Variants in TMEM132B observed in about 807,000 individuals in gnomAD.
TMEM132B encodes the protein transmembrane protein 132B.
A neutral mutation model predicts 90.8 loss-of-function variants in TMEM132B; 18 were observed. That is an observed-to-expected ratio of 0.20 (90% CI 0.14 to 0.29). The LOEUF (loss-of-function observed/expected upper bound fraction) is 0.29. Ranked by LOEUF, TMEM132B falls within the 10% of genes least tolerant of loss-of-function variation. The pLI is 1.00. For missense variants in TMEM132B, 1,096 were observed against 1,326.8 expected, an observed-to-expected ratio of 0.83 and a Z score of 2.70; for synonymous variants, 504 against 523.3, an observed-to-expected ratio of 0.96 and a Z score of 0.50.
intron 2 of TMEM132B, among the ~76,000 whole-genome samples, chr12:125,381,267 A>C (rs1878672153): frequency 6.6e-6 from 1 of 152,186 alleles, no homozygotes; most frequent in Non-Finnish European, 1.5e-5. Flanking sequence ...CAAGCTGTGC[A>C]TGTAGACACA....
intron 2 of TMEM132B, among the ~76,000 whole-genome samples, chr12:125,413,666 T>A (rs770507330): frequency 3.3e-5 from 5 of 152,256 alleles, no homozygotes; most frequent in Non-Finnish European, 5.9e-5. Flanking sequence ...GTAGCATGTG[T>A]CAGAACTTCA....
intron 2 of TMEM132B, among the ~76,000 whole-genome samples, chr12:125,411,519 TA>T (rs1269875884): frequency 6.6e-6 from 1 of 151,788 alleles, no homozygotes; most frequent in Non-Finnish European, 1.5e-5. Context: ...ATAATAATAA[TA>T]AAAACAAACA....
At chr12:125,594,789 T>A (rs1032276704) in intron 5 of TMEM132B, among the ~76,000 whole-genome samples, 2 of 152,204 alleles carry the variant, frequency 1.3e-5, no homozygotes, top group Non-Finnish European at 2.9e-5. Flanking sequence ...AATATGTGAT[T>A]TGAAAATACG....
chr12:125,243,062 TAC>T (rs1156873361), intron 1 of TMEM132B, among the ~76,000 whole-genome samples: 6 of 142,264 alleles, frequency 4.2e-5, no homozygotes, highest in East Asian at 2.0e-4. Context: ...CATACATATA[TAC>T]ACACACATAT....
chr12:125,245,688 G>A (rs1168521033), intron 1 of TMEM132B, among the ~76,000 whole-genome samples: 2 of 151,878 alleles, frequency 1.3e-5, no homozygotes, highest in Non-Finnish European at 2.9e-5. Flanking sequence ...AATGTCGGGG[G>A]ATGGGGGGGG....
rs144552795 is a variant in TMEM132B at position 125,580,517 on chromosome 12, C to T, written c.1294-3334C>T. On this transcript the variant is annotated intron_variant, in intron 4 of 8. Transcript: ENST00000682704. The stretch of plus-strand genomic sequence containing the variant: ...CCTGACCTGACCCCTCCAGTGGCTT[C>T]TAGACTGCTGGTTTTTACTGTCAAT... Among the ~76,000 whole-genome samples, 779 of 152,264 alleles carry T rather than the reference C, an allele frequency of 5.1e-3. 5 individuals carry two copies. The highest frequency in any genetic ancestry group is 7.8e-3 in the Non-Finnish European group (532 of 68,014).
chr12:125,383,562 A>G (rs1175387166), intron 2 of TMEM132B, among the ~76,000 whole-genome samples: 1 of 152,144 alleles, frequency 6.6e-6, no homozygotes, highest in Non-Finnish European at 1.5e-5. Context: ...TCTCTCTTCC[A>G]TCAGACCTCA....
At chr12:125,441,105 A>G (rs1474025618) in intron 3 of TMEM132B, among the ~76,000 whole-genome samples, 1 of 152,220 alleles carries the variant, frequency 6.6e-6, no homozygotes, top group East Asian at 1.9e-4. Context: ...CAACCTTAAG[A>G]TAGGGAGAAT....
intron 4 of TMEM132B, among the ~76,000 whole-genome samples, chr12:125,529,976 C>G (rs2061499162): frequency 6.6e-6 from 1 of 152,150 alleles, no homozygotes; most frequent in Admixed American, 6.5e-5. Context: ...CTGCAGTGAG[C>G]TGTGATTGTG....
intron 1 of TMEM132B, among the ~76,000 whole-genome samples, chr12:125,190,520 G>T (rs1384302104): frequency 1.5e-5 from 2 of 133,122 alleles, no homozygotes; most frequent in African/African-American, 6.3e-5. Flanking sequence ...TGGTGATGGT[G>T]ATGGGGAAGG....
At chr12:125,476,172 G>A (rs1405042326) in intron 3 of TMEM132B, among the ~76,000 whole-genome samples, 3 of 152,146 alleles carry the variant, frequency 2.0e-5, no homozygotes. Flanking sequence ...CTATTGAGAT[G>A]AATTAATATA....
intron 4 of TMEM132B, among the ~76,000 whole-genome samples, chr12:125,563,192 G>A (rs55845282): frequency 7.0e-6 from 1 of 143,110 alleles, no homozygotes; most frequent in African/African-American, 2.7e-5. Flanking sequence ...AATAATAAAA[G>A]TTTGAAATAA....
chr12:125,326,671 G>A (rs770029944), intron 1 of TMEM132B: 3 of 1,606,802 alleles, frequency 1.9e-6, no homozygotes. Context: ...TCTGCACCGG[G>A]GGAGGTCGGA....
At chr12:125,203,252 T>C (rs1448199540) in intron 1 of TMEM132B, among the ~76,000 whole-genome samples, 1 of 152,206 alleles carries the variant, frequency 6.6e-6, no homozygotes, top group Non-Finnish European at 1.5e-5. Flanking sequence ...CTTCCCCTGC[T>C]ATCAAAAATG....
At chr12:125,346,333 T>C (rs1877361143) in intron 1 of TMEM132B, among the ~76,000 whole-genome samples, 1 of 152,256 alleles carries the variant, frequency 6.6e-6, no homozygotes, top group African/African-American at 2.4e-5. Flanking sequence ...TTCCTTTTCC[T>C]TATTTGTAAA....
chr12:125,313,757 C>T (rs1252829126), intron 1 of TMEM132B, among the ~76,000 whole-genome samples: 1 of 134,408 alleles, frequency 7.4e-6, no homozygotes, highest in East Asian at 2.3e-4. Context: ...GCTGGCTTCA[C>T]GGACATGGGA....
At chr12:125,616,997 G>C (rs1458734700) in intron 5 of TMEM132B, among the ~76,000 whole-genome samples, 1 of 152,192 alleles carries the variant, frequency 6.6e-6, no homozygotes, top group Non-Finnish European at 1.5e-5. Flanking sequence ...CTTTATCGTA[G>C]ACTTCCCATC....
At chr12:125,642,037 C>T (rs76468743) in intron 5 of TMEM132B, among the ~76,000 whole-genome samples, 10,433 of 152,194 alleles carry the variant, frequency 0.069, 496 homozygotes, top group African/African-American at 0.12. Flanking sequence ...TTCCTTCTCT[C>T]GAGGTAGTCT....
intron 1 of TMEM132B, among the ~76,000 whole-genome samples, chr12:125,316,160 C>G (rs2136184239): frequency 6.6e-6 from 1 of 152,236 alleles, no homozygotes; most frequent in East Asian, 1.9e-4. Context: ...AACATTCTTT[C>G]TACACAGATC....
Sources: allele counts gnomAD v4.1 joint callset (sites outside exome capture counted in the v4.1 genomes callset), GRCh38; gene constraint gnomAD v4.1.1; transcripts MANE v1.5; gene names NCBI Gene and HGNC (gene_info 2026-07-23, HGNC 2026-07-21).